Variants in ZNF638 observed in about 807,000 individuals in gnomAD.
ZNF638 encodes CTCL tumor antigen se33-1.
Under a neutral mutation model 195.6 loss-of-function variants are expected in ZNF638, and 46 were observed. The ratio of observed to expected loss-of-function variants is 0.24; its 90% CI spans 0.19 to 0.30. ZNF638 has a LOEUF of 0.30. Ranked by LOEUF, ZNF638 falls within the 10% of genes least tolerant of loss-of-function variation. ZNF638 has a pLI of 1.00. For missense variants in ZNF638, 2,440 were observed against 2,325.3 expected, an observed-to-expected ratio of 1.05 and a Z score of -1.01; for synonymous variants, 845 against 772.0, an observed-to-expected ratio of 1.09 and a Z score of -1.57.
chr2:71,384,355 T>G (rs1346622353), intron 10 of ZNF638, among the ~76,000 whole-genome samples: 2 of 152,250 alleles, frequency 1.3e-5, no homozygotes, highest in African/African-American at 2.4e-5. Flanking sequence ...ACCAGTGGAA[T>G]AAAGTCCAAA....
chr2:71,393,142 A>G (rs970537388), intron 10 of ZNF638, among the ~76,000 whole-genome samples: 9 of 151,438 alleles, frequency 5.9e-5, no homozygotes, highest in African/African-American at 2.2e-4. Context: ...CACCCTTAAA[A>G]ATATGCTCAG....
chr2:71,342,866 A>G (rs1317939751), intron 1 of ZNF638, among the ~76,000 whole-genome samples: 1 of 152,180 alleles, frequency 6.6e-6, no homozygotes, highest in African/African-American at 2.4e-5. Flanking sequence ...CTAATGTTTT[A>G]GCTGAAGCTA....
intron 15 of ZNF638, 121 bp from the exon 16 acceptor site, chr2:71,401,835 A>T: frequency 9.1e-6 from 8 of 880,428 alleles, no homozygotes; most frequent in Non-Finnish European, 1.3e-5. Flanking sequence ...TCTTGAGTTT[A>T]TCAGACTTTC....
chr2:71,370,134 T>C, intron 8 of ZNF638, 129 bp downstream of exon 8: 2 of 1,000,584 alleles, frequency 2.0e-6, no homozygotes, highest in East Asian at 2.7e-5. Flanking sequence ...ATATGTGCAT[T>C]AATTCAAGTA....
At chr2:71,393,161 AAG>A (rs145959455) in intron 10 of ZNF638, among the ~76,000 whole-genome samples, 12,517 of 152,222 alleles carry the variant, frequency 0.082, 575 homozygotes, top group South Asian at 0.13. Flanking sequence ...AGAAAACAAA[AAG>A]GGGAAAATGA....
chr2:71,380,560 C>A lies in ZNF638; in HGVS notation c.2372C>A (p.Ser791Tyr), dbSNP rs767370586. 17 of 1,603,336 alleles carry A rather than the reference C, an allele frequency of 1.1e-5. No individual in the cohort carries two copies. The highest frequency in any genetic ancestry group is 1.4e-5 in the Non-Finnish European group (16 of 1,175,408). The change falls in exon 10 of 28, where the codon TCT becomes TAT. Residue 791 changes from serine (S) to tyrosine (Y), a missense_variant. Coordinates refer to ENST00000264447, the MANE Select transcript of ZNF638 (RefSeq NM_014497.5). ...GCTGTTGAAATTGTTACTTCAACTTCTGCTGGTAAGTTGTTACTTTTAATA... is the reference window on the plus strand; with the variant it reads ...GCTGTTGAAATTGTTACTTCAACTTATGCTGGTAAGTTGTTACTTTTAATA... Reference protein sequence around the residue: ...SKAVEIVTSTSAAKTGQAKAS... With the variant: ...SKAVEIVTSTYAAKTGQAKAS...
chr2:71,364,202 T>C lies in ZNF638; in HGVS notation c.1667T>C (p.Phe556Ser). 6.2e-7 allele frequency: 1 copy of C among 1,614,194 alleles called. No homozygotes were observed. Among genetic ancestry groups the C allele is most frequent in the Non-Finnish European group, 8.5e-7 (1 of 1,180,042 alleles). The change falls in exon 5 of 28, where the codon TTT becomes TCT. Residue 556 changes from phenylalanine to serine, a missense_variant. Around this residue, in one of 5 missense-constraint regions of ZNF638, gnomAD observed 1,883 missense variants for 1,739.1 expected, o/e 1.08. Coordinates refer to ENST00000264447, the MANE Select transcript of ZNF638 (RefSeq NM_014497.5). ...RNPFRGSPKC[F>S]RSVSPERMSR... Reference sequence around the variant, plus strand: ...CCATTTAGAGGTAGTCCAAAATGCTTTCGATCAGTTAGCCCTGAGAGGATG... The same window carrying C: ...CCATTTAGAGGTAGTCCAAAATGCTCTCGATCAGTTAGCCCTGAGAGGATG...
chr2:71,364,163 A>G lies in ZNF638; in HGVS notation c.1628A>G (p.Tyr543Cys). 6.2e-7 allele frequency: 1 copy of G among 1,614,150 alleles called. No homozygotes were observed. Among genetic ancestry groups the G allele is most frequent in the Non-Finnish European group, 8.5e-7 (1 of 1,180,034 alleles). The change falls in exon 5 of 28, where the codon TAT becomes TGT. Residue 543 changes from tyrosine (Y) to cysteine (C), a missense_variant. Transcript: ENST00000264447. ...YRSRSRSRSP[Y>C]RIRNPFRGSP... is the part of the protein sequence containing the mutation. ...TCCAGATCCAGATCCCGTTCACCAT[A>G]TCGAATTAGAAATCCATTTAGAGGT... is the stretch of plus-strand genomic sequence containing the variant.
intron 3 of ZNF638, among the ~76,000 whole-genome samples, chr2:71,360,259 CA>C (rs753869263): frequency 3.3e-5 from 5 of 152,208 alleles, no homozygotes; most frequent in South Asian, 2.1e-4. Context: ...TATCTTCATA[CA>C]TTTTTTTCTG....
intron 12 of ZNF638, 64 bp downstream of exon 12, chr2:71,398,836 A>G: frequency 7.0e-7 from 1 of 1,419,276 alleles, no homozygotes; most frequent in Non-Finnish European, 9.8e-7. Context: ...AATTCGTATA[A>G]TAATTTTTAG....
intron 4 of ZNF638, 108 bp from the exon 5 acceptor site, chr2:71,363,845 GT>G: frequency 4.5e-6 from 6 of 1,319,414 alleles, no homozygotes; most frequent in Non-Finnish European, 5.1e-6. Flanking sequence ...TTTTATGAGA[GT>G]TTGGTATTGT....
chr2:71,335,606 G>A (rs1395309415), intron 1 of ZNF638, among the ~76,000 whole-genome samples: 1 of 152,126 alleles, frequency 6.6e-6, no homozygotes, highest in Non-Finnish European at 1.5e-5. Context: ...TAGAGAGAAT[G>A]ATACTAATTC....
intron 8 of ZNF638, among the ~76,000 whole-genome samples, chr2:71,376,831 A>C (rs1177602292): frequency 6.6e-6 from 1 of 152,236 alleles, no homozygotes; most frequent in East Asian, 1.9e-4. Flanking sequence ...ATAATAATTT[A>C]ATAATAACCT....
In ZNF638 at chr2:71,405,586, A is replaced by G. The variant is rs759284270; in HGVS notation, c.2959-15A>G. Reference sequence around the variant, plus strand: ...GAGCTTATACCATCAACCTTTATCTATTTTTGCTTTTTAGGAAGCTATATT... The same window carrying G: ...GAGCTTATACCATCAACCTTTATCTGTTTTTGCTTTTTAGGAAGCTATATT... On this transcript the variant is annotated splice_polypyrimidine_tract_variant and intron_variant, in intron 17 of 27. Transcript: ENST00000264447. 18 of 1,535,384 alleles carry G rather than the reference A, an allele frequency of 1.2e-5. No individual in the cohort carries two copies. Among genetic ancestry groups the G allele is most frequent in the African/African-American group, 4.2e-5 (3 of 71,680 alleles).
intron 8 of ZNF638, among the ~76,000 whole-genome samples, chr2:71,372,424 G>T (rs924338018): frequency 1.3e-5 from 2 of 152,144 alleles, no homozygotes; most frequent in African/African-American, 4.8e-5. Flanking sequence ...CACTGTGACA[G>T]AGCAGCACTG....
intron 21 of ZNF638, among the ~76,000 whole-genome samples, 180 bp from the exon 22 acceptor site, chr2:71,422,634 A>G (rs1212086274): frequency 6.6e-6 from 1 of 152,210 alleles, no homozygotes; most frequent in South Asian, 2.1e-4. Flanking sequence ...ATTTCCAGCA[A>G]TACATCTTAC....
At position 71,340,237 on chromosome 2, in the gene ZNF638, T is replaced by G. The variant is rs138194375; in HGVS notation, c.-203+8362T>G. Among the ~76,000 whole-genome samples the G allele has an allele frequency of 2.7e-3, 406 of 152,372 alleles. 1 individual carries two copies. Among genetic ancestry groups the G allele is most frequent in the African/African-American group, 9.3e-3 (388 of 41,590 alleles). The stretch of plus-strand genomic sequence containing the variant: ...TTTTGCTTTCTGTTTCATTGACTGT[T>G]TCTTTGAAGGCACCACATTTTGGCA... On this transcript the variant is annotated intron_variant, in intron 1 of 27. Transcript: ENST00000264447.
At position 71,349,850 on chromosome 2, in the gene ZNF638, CAGG is replaced by C. The variant is rs753604951; in HGVS notation, c.901_903del (p.Gly301del). On this transcript the variant is annotated inframe_deletion, in exon 2 of 28. Transcript: ENST00000264447. ...ACCAAGATGTCAGGCTTACACATTT[CAGG>C]AGGACAGTCAGTCCTTGAACCCATA... is the stretch of plus-strand genomic sequence containing the variant. The C allele has an allele frequency of 3.1e-6, 5 of 1,614,100 alleles. No homozygotes were observed. Among genetic ancestry groups the C allele is most frequent in the Non-Finnish European group, 4.2e-6 (5 of 1,180,050 alleles).
In ZNF638 at chr2:71,401,199, T is replaced by C. The variant is rs189060829; in HGVS notation, c.2697+681T>C. Among the ~76,000 whole-genome samples the C allele has an allele frequency of 2.4e-3, 368 of 152,196 alleles. 1 individual carries two copies. Among genetic ancestry groups the C allele is most frequent in the African/African-American group, 8.5e-3 (354 of 41,510 alleles). On this transcript the variant is annotated intron_variant, in intron 15 of 27. Coordinates refer to ENST00000264447, the MANE Select transcript of ZNF638 (RefSeq NM_014497.5). ...ATGAAGATTGTAACTTCCTGCCTTTTTTTCCCCCTAGATATCAAAAATTGC... is the reference window on the plus strand; with the variant it reads ...ATGAAGATTGTAACTTCCTGCCTTTCTTTCCCCCTAGATATCAAAAATTGC...
Sources: gnomAD v4.1 joint callset for allele counts (sites outside exome capture counted in the v4.1 genomes callset) on GRCh38, gnomAD v4.1.1 for gene constraint, gnomAD v4.1.1 regional missense constraint, MANE v1.5 for transcripts, NCBI Gene and HGNC (gene_info 2026-07-23, HGNC 2026-07-21) for gene names.